The following ACTR2 variants were observed in gnomAD, a reference collection of about 807,000 sequenced individuals.
ACTR2 encodes actin related protein 2, also known as actin-related protein 2.
ACTR2 carries 5 observed loss-of-function variants against 50.2 expected under a neutral mutation model. The observed-to-expected ratio is 0.10, with a 90% CI of 0.05 to 0.21. ACTR2 has a LOEUF of 0.21. Ranked by LOEUF, ACTR2 falls within the 10% of genes least tolerant of loss-of-function variation. The pLI is 1.00. For missense variants in ACTR2, 180 were observed against 480.6 expected (o/e 0.37, Z 5.85); for synonymous variants, 140 against 162.9 (o/e 0.86, Z 1.07).
At chr2:65,261,174 T>C in intron 6 of ACTR2, 73 bp from the exon 7 acceptor site, 1 of 1,482,610 alleles carries the variant, frequency 6.7e-7, no homozygotes, top group Non-Finnish European at 9.4e-7. Flanking sequence ...TATTTATAAG[T>C]ACTAGTGTTC....
At chr2:65,245,850 T>A (rs1671927315) in intron 2 of ACTR2, among the ~76,000 whole-genome samples, 1 of 152,202 alleles carries the variant, frequency 6.6e-6, no homozygotes, top group Non-Finnish European at 1.5e-5. Flanking sequence ...ATTGAAAATG[T>A]TGCTCAGGAG....
At chr2:65,255,719 A>G (rs372552123) in intron 6 of ACTR2, 25 bp downstream of exon 6, 28 of 1,583,742 alleles carry the variant, frequency 1.8e-5, no homozygotes, top group African/African-American at 1.1e-4. Context: ...TGTATAATAT[A>G]TATGTGTTTT....
intron 1 of ACTR2, among the ~76,000 whole-genome samples, chr2:65,236,554 G>A (rs935731886): frequency 6.6e-6 from 1 of 151,532 alleles, no homozygotes; most frequent in East Asian, 1.9e-4. Flanking sequence ...TTTGTTGTTG[G>A]TTTTTTGTTT....
intron 6 of ACTR2, among the ~76,000 whole-genome samples, chr2:65,259,094 T>G (rs920012701): frequency 1.3e-5 from 2 of 151,758 alleles, no homozygotes; most frequent in Non-Finnish European, 2.9e-5. Context: ...CACCTCAGCC[T>G]CCTAGGTAGC....
At chr2:65,232,754 A>C (rs536774799) in intron 1 of ACTR2, among the ~76,000 whole-genome samples, 1 of 152,190 alleles carries the variant, frequency 6.6e-6, no homozygotes, top group Non-Finnish European at 1.5e-5. Flanking sequence ...TATTCTTACC[A>C]TTTGATGACT....
chr2:65,251,180 C>T, intron 4 of ACTR2, 81 bp downstream of exon 4: 1 of 983,046 alleles, frequency 1.0e-6, no homozygotes, highest in Non-Finnish European at 1.5e-6. Context: ...TTTGGTTTCT[C>T]AATAAGTTAT....
chr2:65,239,611 C>G (rs1284215732), intron 1 of ACTR2, among the ~76,000 whole-genome samples: 3 of 152,202 alleles, frequency 2.0e-5, no homozygotes, highest in African/African-American at 7.2e-5. Context: ...GGCTTTTGGT[C>G]TAGTGAGGGA....
At chr2:65,228,119 T>C in intron 1 of ACTR2, 162 bp downstream of exon 1, 1 of 556,974 alleles carries the variant, frequency 1.8e-6, no homozygotes, top group Non-Finnish European at 2.8e-6. Context: ...GAGCCGGCCG[T>C]TCCCTGGTCT....
At position 65,255,534 on chromosome 2, in the gene ACTR2, T is replaced by A. The variant is rs1008261207; in HGVS notation, c.586-11T>A. ...ATGTATTATGAACTTATTGCTATTG[T>A]TTTGTACCAGCTACTTCTGTTGCGA... is the stretch of plus-strand genomic sequence containing the variant. On this transcript the variant is annotated splice_polypyrimidine_tract_variant and intron_variant, in intron 5 of 8. Transcript: ENST00000260641. 1.9e-6 allele frequency: 3 copies of A among 1,610,732 alleles called. No homozygotes were observed. Among genetic ancestry groups the A allele is most frequent in the Non-Finnish European group, 2.5e-6 (3 of 1,178,072 alleles).
chr2:65,238,946 C>A (rs538421144), intron 1 of ACTR2, among the ~76,000 whole-genome samples: 3 of 151,874 alleles, frequency 2.0e-5, no homozygotes, highest in African/African-American at 7.2e-5. Flanking sequence ...CCAGCCTGGG[C>A]GACAAGAGTG....
At position 65,227,837 on chromosome 2, in the gene ACTR2, GGAA is replaced by G. The variant is rs1671555160; in HGVS notation, c.-67_-65del. The G allele has an allele frequency of 1.4e-6, 2 of 1,470,024 alleles. No individual in the cohort carries two copies. Among genetic ancestry groups the G allele is most frequent in the Non-Finnish European group, 1.8e-6 (2 of 1,105,346 alleles). 91.1% of individuals were successfully genotyped at this position (1,470,024 alleles called of 1,614,324 possible). On this transcript the variant is annotated 5_prime_UTR_variant, in exon 1 of 9. Transcript: ENST00000260641. ...AAGGAGGGGCCGGGAAGACGCAAGA[GGAA>G]GAAGAGAAAACGGCCGGGCGGCGGT...
intron 2 of ACTR2, among the ~76,000 whole-genome samples, chr2:65,240,507 T>C (rs1025913761): frequency 6.6e-6 from 1 of 152,204 alleles, no homozygotes; most frequent in Admixed American, 6.5e-5. Flanking sequence ...TTATTTGGCC[T>C]TGGATTATGT....
At chr2:65,241,388 C>T (rs1382372193) in intron 2 of ACTR2, among the ~76,000 whole-genome samples, 1 of 152,066 alleles carries the variant, frequency 6.6e-6, no homozygotes, top group Non-Finnish European at 1.5e-5. Flanking sequence ...CTCTTCATGC[C>T]CACTTTCTTC....
intron 4 of ACTR2, among the ~76,000 whole-genome samples, chr2:65,251,535 A>G (rs1488891419): frequency 1.3e-5 from 2 of 151,914 alleles, no homozygotes; most frequent in Admixed American, 1.3e-4. Context: ...CTAATTTTGT[A>G]TTTTTAGTAG....
chr2:65,230,911 G>C (rs1291123951), intron 1 of ACTR2, among the ~76,000 whole-genome samples: 1 of 151,924 alleles, frequency 6.6e-6, no homozygotes, highest in African/African-American at 2.4e-5. Context: ...AAAATTAGCC[G>C]GGTGTGGTTT....
chr2:65,264,093 T>A (rs1247635191), intron 7 of ACTR2, among the ~76,000 whole-genome samples: 1 of 152,128 alleles, frequency 6.6e-6, no homozygotes, highest in African/African-American at 2.4e-5. Context: ...TGTTGCTGAT[T>A]AGAGCTTCGA....
chr2:65,252,663 AAAAT>A lies in ACTR2; in HGVS notation c.449-1057_449-1054del, dbSNP rs913426264. On this transcript the variant is annotated intron_variant, in intron 4 of 8. Coordinates refer to ENST00000260641, the MANE Select transcript of ACTR2 (RefSeq NM_005722.4). ...CTGTCTCAAAAAAAATATGTAAATA[AAAAT>A]AAATAAAAAAAGTTTTTTTGACCAG... 1.2e-3 allele frequency among the ~76,000 whole-genome samples: 180 copies of A among 152,026 alleles called. 1 individual carries two copies. Among genetic ancestry groups the A allele is most frequent in the African/African-American group, 4.2e-3 (176 of 41,460 alleles).
chr2:65,246,980 T>A (rs1374535192), intron 3 of ACTR2, among the ~76,000 whole-genome samples: 4 of 151,942 alleles, frequency 2.6e-5, no homozygotes, highest in Non-Finnish European at 5.9e-5. Context: ...CCAAAAAAAT[T>A]AAGTTTTTAA....
At chr2:65,246,476 T>A in intron 2 of ACTR2, 48 bp from the exon 3 acceptor site, 1 of 1,320,110 alleles carries the variant, frequency 7.6e-7, no homozygotes, top group South Asian at 1.4e-5. Context: ...CAAGTTTTCT[T>A]AAATATTATG....
Sources: allele counts gnomAD v4.1 joint callset (sites outside exome capture counted in the v4.1 genomes callset), GRCh38; gene constraint gnomAD v4.1.1; transcripts MANE v1.5; gene names NCBI Gene and HGNC (gene_info 2026-07-23, HGNC 2026-07-21).